Variants in MEI1 observed in about 807,000 individuals in gnomAD.
MEI1 encodes meiotic double-stranded break formation protein 1.
A neutral mutation model predicts 146.2 loss-of-function variants in MEI1; 103 were observed. The ratio of observed to expected loss-of-function variants is 0.70; its 90% confidence interval spans 0.60 to 0.83. The LOEUF is 0.83. Among genes scored for constraint, MEI1 ranks in the 40% least tolerant of loss-of-function variants. MEI1 has a pLI of 0.00. For synonymous variants in MEI1, 652 were observed against 628.2 expected, an observed-to-expected ratio of 1.04 and a Z score of -0.57; for missense variants, 1,529 against 1,533.0, an observed-to-expected ratio of 1.00 and a Z score of 0.04.
chr22:41,728,365 T>A (rs6519276), intron 7 of MEI1, among the ~76,000 whole-genome samples: 12,190 of 152,254 alleles, frequency 0.08, 1,344 homozygotes, highest in African/African-American at 0.25. Context: ...GTGTTAAATC[T>A]TTTCTGTGCA....
chr22:41,744,909 A>G, intron 12 of MEI1, 64 bp from the exon 13 acceptor site: 1 of 1,014,338 alleles, frequency 9.9e-7, no homozygotes, highest in Non-Finnish European at 1.4e-6. Flanking sequence ...ACAGTCATCC[A>G]AGCATAGACT....
At chr22:41,747,710 T>TA (rs972074130) in intron 14 of MEI1, among the ~76,000 whole-genome samples, 7 of 146,458 alleles carry the variant, frequency 4.8e-5, no homozygotes, top group African/African-American at 7.6e-5. Flanking sequence ...TCTCAAAGAA[T>TA]AAAAAAAACC....
At chr22:41,727,697 G>C (rs1410919081) in intron 7 of MEI1, among the ~76,000 whole-genome samples, 4 of 152,172 alleles carry the variant, frequency 2.6e-5, no homozygotes, top group Non-Finnish European at 5.9e-5. Context: ...ATTTACGGCA[G>C]TGTAAGGAAA....
At position 41,774,901 on chromosome 22, in the gene MEI1, C is replaced by A. The variant is rs145743407; in HGVS notation, c.2545-1201C>A. 3.0e-3 allele frequency among the ~76,000 whole-genome samples: 455 copies of A among 152,306 alleles called. 6 individuals carry two copies. Among genetic ancestry groups the A allele is most frequent in the African/African-American group, 0.01 (417 of 41,568 alleles). ...CCAAACTTAGACATCCCTGTGACCC[C>A]ATCCCTCTCCTTCTGCCCAGTGATC... On this transcript the variant is annotated intron_variant, in intron 20 of 30. Coordinates refer to ENST00000401548, the MANE Select transcript of MEI1 (RefSeq NM_152513.4).
intron 19 of MEI1, among the ~76,000 whole-genome samples, chr22:41,765,256 T>C (rs2074768641): frequency 6.6e-6 from 1 of 152,170 alleles, no homozygotes; most frequent in East Asian, 1.9e-4. Context: ...CCTCAGGCGA[T>C]CCACCCACCT....
At chr22:41,796,808 G>A (rs1311293525) in intron 30 of MEI1, among the ~76,000 whole-genome samples, 1 of 152,082 alleles carries the variant, frequency 6.6e-6, no homozygotes, top group Non-Finnish European at 1.5e-5. Context: ...TTAGCTGGGT[G>A]TGGTGGCATG....
In MEI1 at chr22:41,748,210, A is replaced by G; in HGVS notation, c.1784A>G (p.Lys595Arg). 6.2e-7 allele frequency: 1 copy of G among 1,612,004 alleles called. No individual in the cohort carries two copies. The highest frequency in any genetic ancestry group is 8.5e-7 in the Non-Finnish European group (1 of 1,178,086). Reference sequence around the variant, plus strand: ...CCCCACATGAAGGAGAAGTTTTCCAAGAAGCTTGGTAGGCAGCAGGCAAAT... The same window carrying G: ...CCCCACATGAAGGAGAAGTTTTCCAGGAAGCTTGGTAGGCAGCAGGCAAAT... The part of the protein sequence containing the change: ...IVPHMKEKFS[K>R]KLASSSFIRL... The change falls in exon 15 of 31, where the codon AAG becomes AGG. Residue 595 changes from lysine (K) to arginine (R), a missense_variant. Physicochemically the swap from Lys to Arg is conservative, Grantham distance 26. Around this residue, in one of 3 missense-constraint regions of MEI1, gnomAD observed 1,212 missense variants for 1,178.9 expected, o/e 1.03. Transcript: ENST00000401548.
intron 1 of MEI1, among the ~76,000 whole-genome samples, chr22:41,702,064 T>C (rs1276292004): frequency 1.3e-5 from 2 of 152,158 alleles, no homozygotes; most frequent in Non-Finnish European, 2.9e-5. Flanking sequence ...TTACGTAGGA[T>C]GAATTGGTGA....
At position 41,711,491 on chromosome 22, in the gene MEI1, A is replaced by G. The variant is rs554551491; in HGVS notation, c.350-2511A>G. ...TGAGTGGGGCTACAATCCTGCAGCC[A>G]TCCACTTCTGGTTGGTATCAGCATG... On this transcript the variant is annotated intron_variant, in intron 3 of 30. Coordinates refer to ENST00000401548, the MANE Select transcript of MEI1 (RefSeq NM_152513.4). 3.3e-4 allele frequency among the ~76,000 whole-genome samples: 50 copies of G among 152,352 alleles called. 1 individual carries two copies. In the South Asian group the frequency reaches 7.5e-3, roughly 23 times the overall value.
intron 19 of MEI1, among the ~76,000 whole-genome samples, chr22:41,766,329 G>A (rs139063190): frequency 0.011 from 1,635 of 151,950 alleles, 13 homozygotes; most frequent in Non-Finnish European, 0.016. Context: ...GTGCCACCAT[G>A]CCTGGCTAAT....
chr22:41,732,170 T>A, intron 9 of MEI1, 75 bp from the exon 10 acceptor site: 1 of 1,189,284 alleles, frequency 8.4e-7, no homozygotes, highest in Non-Finnish European at 1.2e-6. Flanking sequence ...CCAGAGCCTG[T>A]CACCTCTTCT....
At chr22:41,780,229 T>C (rs1258649521) in intron 22 of MEI1, among the ~76,000 whole-genome samples, 1 of 152,172 alleles carries the variant, frequency 6.6e-6, no homozygotes, top group Non-Finnish European at 1.5e-5. Flanking sequence ...CATTTACATA[T>C]AATCCTTGAG....
At chr22:41,726,995 G>A (rs1314268358) in intron 7 of MEI1, among the ~76,000 whole-genome samples, 2 of 151,608 alleles carry the variant, frequency 1.3e-5, no homozygotes, top group African/African-American at 2.4e-5. Flanking sequence ...GCATGGTCTC[G>A]ATCTCCTGAC....
chr22:41,704,774 G>T lies in MEI1; in HGVS notation c.299-730G>T, dbSNP rs139768477. On this transcript the variant is annotated intron_variant, in intron 2 of 30. Coordinates refer to ENST00000401548, the MANE Select transcript of MEI1 (RefSeq NM_152513.4). ...CTGTCACCCAGACTGGAGTGCGGTG[G>T]CATGATCTTGGCTCACTTCAAGCTC... Among the ~76,000 whole-genome samples, 442 of 152,134 alleles carry T rather than the reference G, an allele frequency of 2.9e-3. 1 individual carries two copies. The highest frequency in any genetic ancestry group is 5.3e-3 in the Admixed American group (81 of 15,264).
intron 16 of MEI1, among the ~76,000 whole-genome samples, chr22:41,753,393 A>G (rs1201993778): frequency 1.3e-5 from 2 of 151,850 alleles, no homozygotes; most frequent in Non-Finnish European, 2.9e-5. Context: ...AGGCGAGAGG[A>G]TCCTTGAGCT....
Position 41,763,164 on chromosome 22 carries a change from T to G in MEI1, c.2121-10T>G. 1 of 1,613,236 alleles carries G rather than the reference T, an allele frequency of 6.2e-7. No individual in the cohort carries two copies. Among genetic ancestry groups the G allele is most frequent in the South Asian group, 1.1e-5 (1 of 90,972 alleles). On this transcript the variant is annotated splice_polypyrimidine_tract_variant and intron_variant, in intron 18 of 30. Coordinates refer to ENST00000401548, the MANE Select transcript of MEI1 (RefSeq NM_152513.4). ...CTGCCTTTCTCACTCAGGCTTTTCT[T>G]GGTTGACAGGTTTGTCTCAGAGGCA...
At chr22:41,778,601 A>C (rs1316796481) in intron 21 of MEI1, 107 bp from the exon 22 acceptor site, 2 of 806,876 alleles carry the variant, frequency 2.5e-6, no homozygotes, top group Admixed American at 2.5e-5. Context: ...TTAGGAAACA[A>C]AAAACTTTGA....
chr22:41,765,178 G>C (rs1474964913), intron 19 of MEI1, among the ~76,000 whole-genome samples: 1 of 152,156 alleles, frequency 6.6e-6, no homozygotes, highest in Non-Finnish European at 1.5e-5. Flanking sequence ...ACCACGCCCA[G>C]CTAATTATTG....
rs869223251 is a variant in MEI1, at chr22:41,793,032, CTTTTTTTTTTTT to C, written c.3346-777_3346-766del. 1.9e-4 allele frequency among the ~76,000 whole-genome samples: 9 copies of C among 48,452 alleles called. No homozygotes were observed. The East Asian group carries it at 3.2e-3, about 17-fold the overall frequency. 31.8% of individuals were successfully genotyped at this position (48,452 alleles called of 152,430 possible). A position where few individuals can be genotyped will look rare whatever the true frequency, so the allele number is the denominator to read the frequency against. On this transcript the variant is annotated intron_variant, in intron 26 of 30. Transcript: ENST00000401548. Reference sequence around the variant, plus strand: ...ATCTTCTTTTCTGAAACAAAGCATTCTTTTTTTTTTTTTTTTTTTTTTTTTTTTTTTCAGATA... The same window carrying C: ...ATCTTCTTTTCTGAAACAAAGCATTCTTTTTTTTTTTTTTTTTTTCAGATA...
Sources: gnomAD v4.1 joint callset for allele counts (sites outside exome capture counted in the v4.1 genomes callset) on GRCh38, gnomAD v4.1.1 for gene constraint, gnomAD v4.1.1 regional missense constraint, MANE v1.5 for transcripts, NCBI Gene and HGNC (gene_info 2026-07-23, HGNC 2026-07-21) for gene names.